Variants in ANO4 observed in about 807,000 individuals in gnomAD.
ANO4 encodes anoctamin-4.
Under a neutral mutation model 141.9 loss-of-function variants are expected in ANO4, and 69 were observed. The ratio of observed to expected loss-of-function variants is 0.49; its 90% CI spans 0.40 to 0.59. The LOEUF is 0.59. Among genes scored for constraint, ANO4 ranks in the 20% least tolerant of loss-of-function variants. The pLI, the probability that ANO4 is intolerant of heterozygous loss-of-function variation, is 0.00. For synonymous variants in ANO4, 350 were observed against 394.3 expected, an observed-to-expected ratio of 0.89 and a Z score of 1.33; for missense variants, 894 against 1,162.2, an observed-to-expected ratio of 0.77 and a Z score of 3.36.
chr12:101,023,777 T>A (rs1045673449), intron 9 of ANO4, among the ~76,000 whole-genome samples: 1 of 152,228 alleles, frequency 6.6e-6, no homozygotes, highest in Non-Finnish European at 1.5e-5. Flanking sequence ...CCAAGCATTA[T>A]GCTGAAAAAC....
chr12:100,970,357 C>G (rs2043861260), intron 5 of ANO4, among the ~76,000 whole-genome samples: 2 of 152,146 alleles, frequency 1.3e-5, no homozygotes, highest in Admixed American at 1.3e-4. Context: ...TCTTCTGATG[C>G]CACTCTTCCC....
upstream of ANO4, among the ~76,000 whole-genome samples, chr12:100,793,055 T>C (rs913798438): frequency 6.6e-6 from 1 of 152,220 alleles, no homozygotes; most frequent in Non-Finnish European, 1.5e-5. Context: ...AACATTAAAA[T>C]AGTAGAACAT....
intron 1 of ANO4, among the ~76,000 whole-genome samples, chr12:100,862,334 ATTAT>A (rs1369777409): frequency 2.0e-5 from 3 of 152,232 alleles, no homozygotes; most frequent in African/African-American, 7.2e-5. Flanking sequence ...CCTTATTATT[ATTAT>A]TTGAGACGGA....
intron 5 of ANO4, among the ~76,000 whole-genome samples, chr12:100,968,167 A>G (rs2043761189): frequency 6.6e-6 from 1 of 152,236 alleles, no homozygotes; most frequent in Admixed American, 6.5e-5. Context: ...CAAAACAGCT[A>G]TCCTTTTATG....
At chr12:100,866,469 C>G (rs1262201569) in intron 1 of ANO4, among the ~76,000 whole-genome samples, 4 of 152,196 alleles carry the variant, frequency 2.6e-5, no homozygotes, top group Non-Finnish European at 5.9e-5. Flanking sequence ...CCCCTGCCCC[C>G]ACCTTTTTGG....
chr12:100,844,994 T>C (rs2037484107), intron 1 of ANO4, among the ~76,000 whole-genome samples: 1 of 152,098 alleles, frequency 6.6e-6, no homozygotes, highest in Admixed American at 6.5e-5. Context: ...ACCAGGCAGA[T>C]ATTTTATTGC....
At chr12:101,056,846 G>GTTTC (rs995362971) in intron 14 of ANO4, among the ~76,000 whole-genome samples, 2 of 112,574 alleles carry the variant, frequency 1.8e-5, no homozygotes, top group Non-Finnish European at 3.7e-5. Context: ...AGACAATCCT[G>GTTTC]TTTCTTTCTT....
intron 8 of ANO4, among the ~76,000 whole-genome samples, chr12:101,008,549 A>G (rs948535179): frequency 6.6e-6 from 1 of 152,132 alleles, no homozygotes; most frequent in African/African-American, 2.4e-5. Context: ...GTAGATCACT[A>G]TTTACATAAT....
rs748666892 is a variant in ANO4 at position 100,988,872 on chromosome 12, G to GAAAAAAAAAAAAAAAAAAA, written c.734+1218_734+1219insAAAAAAAAAAAAAAAAAAA. Among the ~76,000 whole-genome samples, 3 of 65,034 alleles carry GAAAAAAAAAAAAAAAAAAA rather than the reference G, an allele frequency of 4.6e-5. 1 individual carries two copies. The highest frequency in any genetic ancestry group is 1.3e-4 in the African/African-American group (2 of 15,490). The allele number at this position is 65,034 out of a possible 152,430, so 42.7% of individuals were successfully genotyped here. ...GGTGACAGAGTGAGACTCTGTCTCA[G>GAAAAAAAAAAAAAAAAAAA]AAAAAAAAAAAAAAAAGAAAGAAAA... On this transcript the variant is annotated intron_variant, in intron 8 of 27. Coordinates refer to ENST00000392977, the MANE Select transcript of ANO4 (RefSeq NM_001286615.2).
At chr12:100,880,678 C>G (rs1439420124) in intron 1 of ANO4, among the ~76,000 whole-genome samples, 1 of 152,096 alleles carries the variant, frequency 6.6e-6, no homozygotes, top group Non-Finnish European at 1.5e-5. Flanking sequence ...CATTGTCTTC[C>G]TGATGATTTG....
At chr12:100,871,131 G>C (rs2039012777) in intron 1 of ANO4, among the ~76,000 whole-genome samples, 2 of 152,066 alleles carry the variant, frequency 1.3e-5, no homozygotes, top group African/African-American at 4.8e-5. Context: ...TGATTACTGA[G>C]TTTTCATATC....
intron 14 of ANO4, among the ~76,000 whole-genome samples, chr12:101,054,523 G>A (rs760672829): frequency 4.6e-5 from 7 of 151,872 alleles, no homozygotes; most frequent in Admixed American, 2.6e-4. Flanking sequence ...TTTTTGAGAC[G>A]GAGTCTCGCT....
chr12:100,854,937 T>A (rs1235191490), intron 1 of ANO4, among the ~76,000 whole-genome samples: 1 of 152,118 alleles, frequency 6.6e-6, no homozygotes, highest in African/African-American at 2.4e-5. Flanking sequence ...CATTTTGAGG[T>A]CTGTGGCTTC....
At chr12:101,125,441 T>G (rs7955908) in intron 26 of ANO4, among the ~76,000 whole-genome samples, 21,399 of 152,184 alleles carry the variant, frequency 0.14, 1,538 homozygotes, top group East Asian at 0.19. Context: ...CCTCTCTTCC[T>G]ATTTGAATAC....
intron 1 of ANO4, among the ~76,000 whole-genome samples, chr12:100,842,785 CT>C (rs1254564183): frequency 6.6e-6 from 1 of 151,992 alleles, no homozygotes; most frequent in Non-Finnish European, 1.5e-5. Flanking sequence ...CCCTTTAGCC[CT>C]TTTATAAGGC....
intron 1 of ANO4, among the ~76,000 whole-genome samples, chr12:100,880,232 A>T (rs1323978377): frequency 6.6e-6 from 1 of 152,196 alleles, no homozygotes; most frequent in Non-Finnish European, 1.5e-5. Context: ...ACTGACTGGT[A>T]TCTGAGCTTC....
intron 14 of ANO4, among the ~76,000 whole-genome samples, chr12:101,076,944 G>A (rs2049046214): frequency 6.6e-6 from 1 of 152,190 alleles, no homozygotes; most frequent in South Asian, 2.1e-4. Flanking sequence ...AGTTAACACA[G>A]CAGGCCTGCT....
At chr12:100,929,706 T>C (rs185708045) in intron 3 of ANO4, among the ~76,000 whole-genome samples, 1 of 152,246 alleles carries the variant, frequency 6.6e-6, no homozygotes, top group Admixed American at 6.5e-5. Context: ...TTCATAGTGG[T>C]TGTACTGATT....
chr12:100,900,569 G>A (rs114446619), intron 1 of ANO4, among the ~76,000 whole-genome samples: 18 of 151,060 alleles, frequency 1.2e-4, no homozygotes, highest in Admixed American at 2.0e-4. Flanking sequence ...TTTTCTGTCC[G>A]TCAATGATAG....
Sources: gnomAD v4.1 joint callset for allele counts (sites outside exome capture counted in the v4.1 genomes callset) on GRCh38, gnomAD v4.1.1 for gene constraint, MANE v1.5 for transcripts, NCBI Gene and HGNC (gene_info 2026-07-23, HGNC 2026-07-21) for gene names.